Variants in RANBP9 observed in about 807,000 individuals in gnomAD.
RANBP9 encodes the protein ran-binding protein 9.
Under a neutral mutation model 84.3 loss-of-function variants are expected in RANBP9, and 15 were observed. The ratio of observed to expected loss-of-function variants is 0.18; its 90% CI spans 0.12 to 0.27. RANBP9 has a LOEUF of 0.27. RANBP9 is among the 10% of genes least tolerant of loss of function. RANBP9 has a pLI of 1.00. For missense variants in RANBP9, 809 were observed against 912.8 expected (o/e 0.89, Z 1.46); for synonymous variants, 392 against 349.6 (o/e 1.12, Z -1.35).
At chr6:13,703,565 C>T (rs1758028548) in intron 1 of RANBP9, among the ~76,000 whole-genome samples, 1 of 152,220 alleles carries the variant, frequency 6.6e-6, no homozygotes, top group Non-Finnish European at 1.5e-5. Flanking sequence ...TAGCACCTGA[C>T]TTGAAGGCCA....
chr6:13,648,811 C>T (rs764245354), intron 5 of RANBP9, among the ~76,000 whole-genome samples: 3 of 152,152 alleles, frequency 2.0e-5, no homozygotes, highest in Non-Finnish European at 4.4e-5. Context: ...AGAACAGCTA[C>T]TGTAACAAAA....
intron 2 of RANBP9, among the ~76,000 whole-genome samples, chr6:13,694,626 G>A (rs1201045369): frequency 6.6e-6 from 1 of 152,044 alleles, no homozygotes; most frequent in African/African-American, 2.4e-5. Context: ...AGTCAACTGA[G>A]GTCCAAAAAT....
At chr6:13,675,508 A>G (rs1241668485) in intron 2 of RANBP9, among the ~76,000 whole-genome samples, 2 of 152,172 alleles carry the variant, frequency 1.3e-5, no homozygotes, top group African/African-American at 2.4e-5. Flanking sequence ...CTACAGAGAA[A>G]TTTATAGCAC....
At chr6:13,707,815 A>G (rs945432682) in intron 1 of RANBP9, among the ~76,000 whole-genome samples, 1 of 152,258 alleles carries the variant, frequency 6.6e-6, no homozygotes, top group Non-Finnish European at 1.5e-5. Context: ...GTCCATTGTC[A>G]TATTTATTAA....
In RANBP9 at chr6:13,695,401, GTTTT is replaced by G. The variant is rs773285024; in HGVS notation, c.683+1380_683+1383del. 3.5e-4 allele frequency among the ~76,000 whole-genome samples: 30 copies of G among 84,808 alleles called. No individual in the cohort carries two copies. The East Asian group carries it at 7.7e-3, about 22-fold the overall frequency. The allele number at this position is 84,808 out of a possible 152,430, so 55.6% of individuals were successfully genotyped here. On this transcript the variant is annotated intron_variant, in intron 2 of 13. Transcript: ENST00000011619. ...GCAATAGTGAAACCACCAACCAAAT[GTTTT>G]TTTTTTTTTTTTTTTTTTTTCAGAA...
chr6:13,692,751 C>G (rs1389747260), intron 2 of RANBP9, among the ~76,000 whole-genome samples: 1 of 151,808 alleles, frequency 6.6e-6, no homozygotes. Context: ...ACTTGGAAGG[C>G]TGAGACAGGC....
intron 2 of RANBP9, among the ~76,000 whole-genome samples, chr6:13,668,888 C>G (rs1377916116): frequency 6.6e-6 from 1 of 151,966 alleles, no homozygotes; most frequent in Admixed American, 6.6e-5. Flanking sequence ...CTACCCTGGG[C>G]AAGAGGGCAA....
chr6:13,695,405 T>TA (rs1156566311), intron 2 of RANBP9, among the ~76,000 whole-genome samples: 1 of 150,030 alleles, frequency 6.7e-6, no homozygotes, highest in Non-Finnish European at 1.5e-5. Context: ...CCAAATGTTT[T>TA]TTTTTTTTTT....
intron 12 of RANBP9, 117 bp downstream of exon 12, chr6:13,632,253 G>A (rs1764808192): frequency 1.1e-6 from 1 of 870,982 alleles, no homozygotes; most frequent in South Asian, 1.9e-5. Flanking sequence ...GGAGCCAGGG[G>A]GAAGGTCAGG....
At chr6:13,700,821 T>A (rs553766651) in intron 1 of RANBP9, among the ~76,000 whole-genome samples, 76 of 152,204 alleles carry the variant, frequency 5.0e-4, no homozygotes, top group Admixed American at 9.8e-4. Flanking sequence ...GCTTTTATTT[T>A]ACTAGGACTG....
intron 2 of RANBP9, among the ~76,000 whole-genome samples, chr6:13,688,982 CAAAAAAAA>C (rs1164073062): frequency 3.3e-5 from 1 of 29,958 alleles, no homozygotes; most frequent in Non-Finnish European, 7.3e-5. Flanking sequence ...CCCATCTCCA[CAAAAAAAA>C]AAAAAAAAAA....
chr6:13,706,018 C>G (rs204226), intron 1 of RANBP9, among the ~76,000 whole-genome samples: 100,517 of 152,026 alleles, frequency 0.66, 34,035 homozygotes, highest in African/African-American at 0.81. Flanking sequence ...AGTGTTCAAG[C>G]GCTAATGACT....
At chr6:13,638,989 CAAT>C (rs1765003411) in intron 9 of RANBP9, among the ~76,000 whole-genome samples, 1 of 152,022 alleles carries the variant, frequency 6.6e-6, no homozygotes, top group Non-Finnish European at 1.5e-5. Context: ...TATTAAAAAT[CAAT>C]AATTTAATTC....
chr6:13,681,845 C>G (rs771689398), intron 2 of RANBP9, among the ~76,000 whole-genome samples: 2 of 152,012 alleles, frequency 1.3e-5, no homozygotes, highest in African/African-American at 4.8e-5. Flanking sequence ...ATGACGTGAA[C>G]CTTCTGTGAA....
At chr6:13,629,139 C>T (rs1355416320) in intron 12 of RANBP9, among the ~76,000 whole-genome samples, 1 of 152,152 alleles carries the variant, frequency 6.6e-6, no homozygotes, top group Non-Finnish European at 1.5e-5. Flanking sequence ...GAGACAGGGT[C>T]TTGCTATGTC....
At chr6:13,645,705 G>C (rs1234562818) in intron 5 of RANBP9, among the ~76,000 whole-genome samples, 1 of 152,102 alleles carries the variant, frequency 6.6e-6, no homozygotes. Flanking sequence ...ATCCAAAACT[G>C]ATTTTTCCTC....
intron 5 of RANBP9, among the ~76,000 whole-genome samples, chr6:13,649,463 A>G (rs907509705): frequency 0.015 from 817 of 54,454 alleles, 3 homozygotes; most frequent in African/African-American, 0.06. Context: ...CCACAACAGA[A>G]AAAAAAAAAA....
At chr6:13,687,837 A>G (rs897797247) in intron 2 of RANBP9, among the ~76,000 whole-genome samples, 4 of 152,180 alleles carry the variant, frequency 2.6e-5, no homozygotes, top group African/African-American at 9.7e-5. Flanking sequence ...ATCCAACCAT[A>G]TAATTCCCTT....
rs1246580412 is a variant in RANBP9 at position 13,634,455 on chromosome 6, T to C, written c.1771A>G (p.Met591Val). 9 of 1,613,598 alleles carry C rather than the reference T, an allele frequency of 5.6e-6. No homozygotes were observed. The highest frequency in any genetic ancestry group is 7.6e-6 in the Non-Finnish European group (9 of 1,179,780). Residue 591 changes from methionine (M) to valine (V), a missense_variant, in exon 11 of 14, where the codon ATG becomes GTG. Around this residue, in one of 5 missense-constraint regions of RANBP9, gnomAD observed 233 missense variants for 234.4 expected, o/e 0.99. Transcript: ENST00000011619. ...LNGSSKHDHE[M>V]EDCDTEMEVD... ...CCCATTTCGGTGTCACAATCTTCCA[T>C]TTCGTGGTCATGTTTAGAGCTACCA...
Sources: allele counts gnomAD v4.1 joint callset (sites outside exome capture counted in the v4.1 genomes callset), GRCh38; gene constraint gnomAD v4.1.1; regional missense constraint gnomAD v4.1.1; transcripts MANE v1.5; gene names NCBI Gene and HGNC (gene_info 2026-07-23, HGNC 2026-07-21).